Variants in NRXN1 observed in about 807,000 individuals in gnomAD.
The protein encoded by NRXN1 is neurexin-1.
NRXN1 carries 39 observed loss-of-function variants against 150.9 expected under a neutral mutation model. The ratio of observed to expected loss-of-function variants is 0.26; its 90% CI spans 0.20 to 0.34. NRXN1 has a LOEUF of 0.34. Ranked by LOEUF, NRXN1 falls within the 10% of genes least tolerant of loss-of-function variation. NRXN1 has a pLI of 1.00. For synonymous variants in NRXN1, 924 were observed against 757.0 expected (o/e 1.22, Z -3.62); for missense variants, 1,815 against 1,949.9 (o/e 0.93, Z 1.30).
At chr2:49,962,386 T>G (rs1225129490) in intron 21 of NRXN1, among the ~76,000 whole-genome samples, 2 of 152,216 alleles carry the variant, frequency 1.3e-5, no homozygotes, top group Non-Finnish European at 2.9e-5. Context: ...TTGTAATGAC[T>G]CTGTAAAAGT....
At chr2:50,099,808 G>C (rs1438375967) in intron 18 of NRXN1, among the ~76,000 whole-genome samples, 1 of 152,108 alleles carries the variant, frequency 6.6e-6, no homozygotes, top group Non-Finnish European at 1.5e-5. Flanking sequence ...CAAAGTCAGA[G>C]CATCTATCTA....
intron 18 of NRXN1, among the ~76,000 whole-genome samples, chr2:50,116,355 G>C (rs994628956): frequency 6.6e-6 from 1 of 152,106 alleles, no homozygotes; most frequent in Non-Finnish European, 1.5e-5. Flanking sequence ...TGAGTCAGCA[G>C]TAAGAAACAC....
chr2:50,321,615 A>G (rs765573575), intron 17 of NRXN1, among the ~76,000 whole-genome samples: 5 of 152,158 alleles, frequency 3.3e-5, no homozygotes, highest in Non-Finnish European at 5.9e-5. Flanking sequence ...GAAGGTATTG[A>G]ATATTCACTA....
At chr2:50,744,104 C>A (rs1346043669) in intron 5 of NRXN1, among the ~76,000 whole-genome samples, 1 of 152,016 alleles carries the variant, frequency 6.6e-6, no homozygotes, top group Non-Finnish European at 1.5e-5. Context: ...TATACAAGAC[C>A]TGAGCTACAC....
intron 5 of NRXN1, among the ~76,000 whole-genome samples, chr2:50,752,617 G>C (rs192560858): frequency 6.6e-6 from 1 of 151,500 alleles, no homozygotes; most frequent in African/African-American, 2.4e-5. Context: ...ACTTCAGAAA[G>C]CTTTCATTAA....
rs559631606 is a variant in NRXN1 at position 50,124,940 on chromosome 2, C to G, written c.3547-33446G>C. ...ATAAATACATTGATTTATAATTCAT[C>G]ATACATTTATTAATAATTATTTCAA... is the stretch of plus-strand genomic sequence containing the variant. On this transcript the variant is annotated intron_variant, in intron 18 of 22. Coordinates refer to ENST00000401669, the MANE Select transcript of NRXN1 (RefSeq NM_001330078.2). Among the ~76,000 whole-genome samples, 67 of 152,168 alleles carry G rather than the reference C, an allele frequency of 4.4e-4. 2 individuals are homozygous for G. The highest frequency in any genetic ancestry group is 1.5e-3 in the African/African-American group (63 of 41,528).
chr2:50,056,761 TTATA>T (rs768010922), intron 19 of NRXN1, among the ~76,000 whole-genome samples: 71 of 152,134 alleles, frequency 4.7e-4, no homozygotes, highest in Non-Finnish European at 8.8e-4. Flanking sequence ...ATAAGTGATT[TTATA>T]TAATAAGCAT....
At chr2:50,933,558 G>T (rs779008238) in intron 2 of NRXN1, among the ~76,000 whole-genome samples, 2 of 152,008 alleles carry the variant, frequency 1.3e-5, no homozygotes, top group Non-Finnish European at 2.9e-5. Flanking sequence ...TTTGTTCATA[G>T]GTACAACCAA....
chr2:50,167,281 A>T (rs561829768), intron 18 of NRXN1, among the ~76,000 whole-genome samples: 2 of 152,202 alleles, frequency 1.3e-5, no homozygotes, highest in Non-Finnish European at 2.9e-5. Flanking sequence ...TTATTTTAGT[A>T]TATCTCTAGG....
At chr2:51,001,870 G>C (rs1250056282) in intron 2 of NRXN1, among the ~76,000 whole-genome samples, 1 of 151,888 alleles carries the variant, frequency 6.6e-6, no homozygotes, top group Non-Finnish European at 1.5e-5. Context: ...ACATAGGAAA[G>C]ATTTTCTGAC....
chr2:51,026,707 G>A (rs1376518181), intron 2 of NRXN1, among the ~76,000 whole-genome samples: 1 of 152,052 alleles, frequency 6.6e-6, no homozygotes, highest in Admixed American at 6.6e-5. Flanking sequence ...CTCTTTATAA[G>A]GCATTTGTTA....
intron 21 of NRXN1, among the ~76,000 whole-genome samples, chr2:49,964,815 T>C (rs1352652934): frequency 1.3e-5 from 2 of 152,106 alleles, no homozygotes; most frequent in Non-Finnish European, 2.9e-5. Context: ...CACTCCAGCC[T>C]GGGCAACAAA....
intron 17 of NRXN1, among the ~76,000 whole-genome samples, chr2:50,415,354 T>G (rs1044945990): frequency 6.6e-6 from 1 of 152,104 alleles, no homozygotes. Context: ...TAAGGTGTAT[T>G]TTTTTATGGC....
intron 5 of NRXN1, among the ~76,000 whole-genome samples, chr2:50,886,847 A>G (rs2103771838): frequency 6.6e-6 from 1 of 151,538 alleles, no homozygotes; most frequent in East Asian, 1.9e-4. Context: ...CCCAAAGTCT[A>G]GAATATTCAA....
intron 8 of NRXN1, among the ~76,000 whole-genome samples, chr2:50,566,643 C>A (rs2351765): frequency 0.36 from 55,383 of 151,904 alleles, 11,366 homozygotes; most frequent in East Asian, 0.59. Context: ...CAAACTTCTA[C>A]GTCTCATGAC....
chr2:50,923,087 G>A (rs975661668), intron 3 of NRXN1, among the ~76,000 whole-genome samples: 2 of 151,632 alleles, frequency 1.3e-5, no homozygotes, highest in African/African-American at 4.8e-5. Flanking sequence ...AAAACCCAAT[G>A]GAATACATGA....
chr2:50,676,334 T>C (rs548576580), intron 5 of NRXN1, among the ~76,000 whole-genome samples: 2 of 152,204 alleles, frequency 1.3e-5, no homozygotes, highest in South Asian at 2.1e-4. Context: ...AACCCACCCT[T>C]AGGTATTCCT....
intron 2 of NRXN1, among the ~76,000 whole-genome samples, chr2:51,014,367 G>A (rs1168633687): frequency 6.6e-6 from 1 of 152,040 alleles, no homozygotes; most frequent in African/African-American, 2.4e-5. Context: ...AAAGATAATT[G>A]AAGAGGATGC....
intron 5 of NRXN1, among the ~76,000 whole-genome samples, chr2:50,713,210 A>G (rs1695412533): frequency 6.6e-6 from 1 of 151,930 alleles, no homozygotes; most frequent in South Asian, 2.1e-4. Context: ...GCTGCTTGTG[A>G]GGCTGAAGCA....
Sources: allele counts gnomAD v4.1 joint callset (sites outside exome capture counted in the v4.1 genomes callset), GRCh38; gene constraint gnomAD v4.1.1; transcripts MANE v1.5; gene names NCBI Gene and HGNC (gene_info 2026-07-23, HGNC 2026-07-21).